CELF2: variants seen among roughly 807,000 people sequenced by gnomAD.
CELF2 encodes CUGBP Elav-like family member 2.
Under a neutral mutation model 62.6 loss-of-function variants are expected in CELF2, and 8 were observed. The ratio of observed to expected loss-of-function variants is 0.13; its 90% CI spans 0.07 to 0.23. The LOEUF (loss-of-function observed/expected upper bound fraction) is 0.23, where lower values mean the gene tolerates loss of function less well. Among genes scored for constraint, CELF2 ranks in the 10% least tolerant of loss-of-function variants. The pLI, the probability that CELF2 is intolerant of heterozygous loss-of-function variation, is 1.00. For synonymous variants in CELF2, 258 were observed against 250.0 expected (o/e 1.03, Z -0.30); for missense variants, 333 against 671.0 (o/e 0.50, Z 5.56).
intron 1 of CELF2, among the ~76,000 whole-genome samples, chr10:11,129,170 T>C (rs187189265): frequency 2.6e-4 from 39 of 152,366 alleles, no homozygotes; most frequent in Admixed American, 1.6e-3. Context: ...GTTTATATGA[T>C]GGATTACGTT....
At position 11,019,040 on chromosome 10, in the gene CELF2, A is replaced by G. The variant is rs529655295; in HGVS notation, c.74+877A>G. ...ATTCTGGTTGTTTTACATGTCGTCAAACTAAGGTAGAGCGTTTATTGGAAA... is the reference window on the plus strand; with the variant it reads ...ATTCTGGTTGTTTTACATGTCGTCAGACTAAGGTAGAGCGTTTATTGGAAA... On this transcript the variant is annotated intron_variant, in intron 1 of 12. Transcript: ENST00000633077. Among the ~76,000 whole-genome samples the G allele has an allele frequency of 1.1e-4, 17 of 152,326 alleles. No individual in the cohort carries two copies. The South Asian group carries it at 3.5e-3, about 32-fold the overall frequency.
intron 11 of CELF2, among the ~76,000 whole-genome samples, chr10:11,325,325 G>A (rs767950886): frequency 6.6e-6 from 1 of 152,228 alleles, no homozygotes; most frequent in Non-Finnish European, 1.5e-5. Flanking sequence ...TGTGTGTTAA[G>A]AGATTTGGCA....
At chr10:10,566,430 T>TTC in the CELF2 span, among the ~76,000 whole-genome samples, 1 of 148,164 alleles carries the variant, frequency 6.7e-6, no homozygotes, top group Non-Finnish European at 1.5e-5. Context: ...TTTTTTTTTT[T>TTC]ATTATACTCT....
intron 1 of CELF2, among the ~76,000 whole-genome samples, chr10:11,109,349 A>G (rs531310433): frequency 3.3e-5 from 5 of 152,332 alleles, no homozygotes; most frequent in East Asian, 1.9e-4. Context: ...TGGAATAGCA[A>G]ACAGACTTGG....
chr10:11,179,841 T>C (rs566893409), intron 2 of CELF2, among the ~76,000 whole-genome samples: 79 of 152,318 alleles, frequency 5.2e-4, no homozygotes, highest in African/African-American at 1.8e-3. Flanking sequence ...CCAGCTCGTA[T>C]AGAGTGTTGC....
At chr10:11,274,755 A>C (rs1437135861) in intron 7 of CELF2, among the ~76,000 whole-genome samples, 2 of 152,242 alleles carry the variant, frequency 1.3e-5, no homozygotes, top group Non-Finnish European at 2.9e-5. Flanking sequence ...TAGACTACAG[A>C]GAGAGATAAT....
rs150970670 is a variant in CELF2, at chr10:11,261,495, C to T, written c.538+3623C>T. Among the ~76,000 whole-genome samples the T allele has an allele frequency of 4.6e-5, 7 of 151,882 alleles. No individual in the cohort carries two copies. In the East Asian group the frequency reaches 1.2e-3, roughly 25 times the overall value. ...ATTTTTAAAATCCCATCTTACTCAG[C>T]GGCCCCAGCCCATGTTCCAGGGCAG... is the stretch of plus-strand genomic sequence containing the variant. On this transcript the variant is annotated intron_variant, in intron 5 of 12. Transcript: ENST00000633077.
chr10:11,009,937 C>T (rs2056130348), intron 1 of CELF2, among the ~76,000 whole-genome samples: 1 of 152,372 alleles, frequency 6.6e-6, no homozygotes, highest in Non-Finnish European at 1.5e-5. Context: ...TGTGTTGAAG[C>T]TTACAGGCAG....
chr10:10,671,798 C>T, the CELF2 span, among the ~76,000 whole-genome samples: 4 of 151,756 alleles, frequency 2.6e-5, no homozygotes, highest in Non-Finnish European at 5.9e-5. Context: ...GGTGCAATCT[C>T]AGCTCACTGC....
the CELF2 span, among the ~76,000 whole-genome samples, chr10:10,696,910 A>T: frequency 1.3e-5 from 2 of 152,068 alleles, no homozygotes; most frequent in Non-Finnish European, 2.9e-5. Context: ...TGAACCCGGT[A>T]CCTCAGATGG....
chr10:10,931,160 T>G lies in CELF2; in HGVS notation c.89+11161T>G, dbSNP rs2066018886. ...TTCTATTATGTATTTTCCTTTTCCTTCTTTCTGGCGAATACGCAGTTTTCC... is the reference window on the plus strand; with the variant it reads ...TTCTATTATGTATTTTCCTTTTCCTGCTTTCTGGCGAATACGCAGTTTTCC... On this transcript the variant is annotated intron_variant, in intron 2 of 13. Transcript: ENST00000636488. The surrounding 1 kb of genome is among the most constrained non-coding windows in gnomAD (Gnocchi z 6.1). Among the ~76,000 whole-genome samples, 1 of 152,228 alleles carries G rather than the reference T, an allele frequency of 6.6e-6. No homozygotes were observed. The highest frequency in any genetic ancestry group is 2.1e-4 in the South Asian group (1 of 4,838).
intron 2 of CELF2, among the ~76,000 whole-genome samples, chr10:10,951,448 C>CA (rs1011616210): frequency 6.6e-5 from 10 of 151,756 alleles, no homozygotes; most frequent in African/African-American, 1.2e-4. Flanking sequence ...TTCTCCAACA[C>CA]AAAAAAAAGA....
intron 1 of CELF2, among the ~76,000 whole-genome samples, chr10:11,139,039 T>C (rs1196039036): frequency 6.6e-6 from 1 of 152,226 alleles, no homozygotes; most frequent in African/African-American, 2.4e-5. Context: ...GTAATTATAA[T>C]TAATAACTGC....
At chr10:10,560,968 A>C in the CELF2 span, among the ~76,000 whole-genome samples, 1 of 151,856 alleles carries the variant, frequency 6.6e-6, no homozygotes, top group African/African-American at 2.4e-5. Context: ...CTAAGCTATG[A>C]GGATGCAAAG....
chr10:10,816,089 A>T (rs1022744560), intron 1 of CELF2, among the ~76,000 whole-genome samples: 1 of 152,126 alleles, frequency 6.6e-6, no homozygotes, highest in Non-Finnish European at 1.5e-5. Context: ...TCTAAACTTT[A>T]ATCTCCAGCC....
chr10:11,295,098 C>T (rs1310249197), intron 9 of CELF2, among the ~76,000 whole-genome samples: 5 of 152,186 alleles, frequency 3.3e-5, no homozygotes, highest in African/African-American at 9.7e-5. Context: ...CTTCTTTGCT[C>T]GTGACATTAT....
chr10:10,563,170 C>T, the CELF2 span, among the ~76,000 whole-genome samples: 2 of 152,112 alleles, frequency 1.3e-5, no homozygotes, highest in African/African-American at 4.8e-5. Context: ...AAAGGCTTAC[C>T]TTCCCAAATT....
At chr10:11,070,280 G>A (rs2069472132) in intron 1 of CELF2, among the ~76,000 whole-genome samples, 1 of 152,150 alleles carries the variant, frequency 6.6e-6, no homozygotes, top group Non-Finnish European at 1.5e-5. Flanking sequence ...TGAACTAAGT[G>A]AAGGCTCAGG....
chr10:11,106,899 C>T (rs1425710072), intron 1 of CELF2, among the ~76,000 whole-genome samples: 1 of 152,180 alleles, frequency 6.6e-6, no homozygotes, highest in Admixed American at 6.5e-5. Context: ...ATCTAAACCT[C>T]TCTGCAGAAA....
Sources: gnomAD v4.1 joint callset for allele counts (sites outside exome capture counted in the v4.1 genomes callset) on GRCh38, gnomAD v4.1.1 for gene constraint, Gnocchi (gnomAD v3.1) non-coding constraint, MANE v1.5 for transcripts, NCBI Gene and HGNC (gene_info 2026-07-23, HGNC 2026-07-21) for gene names.